CNTNAP5: variants seen among roughly 807,000 people sequenced by gnomAD.
CNTNAP5 encodes contactin associated protein family member 5.
Under a neutral mutation model 150.2 loss-of-function variants are expected in CNTNAP5, and 72 were observed. The ratio of observed to expected loss-of-function variants is 0.48; its 90% CI spans 0.40 to 0.58. The LOEUF (loss-of-function observed/expected upper bound fraction) is 0.58. Ranked by LOEUF, CNTNAP5 falls within the 20% of genes least tolerant of loss-of-function variation. The pLI is 0.00. For synonymous variants in CNTNAP5, 672 were observed against 619.8 expected (o/e 1.08, Z -1.25); for missense variants, 1,636 against 1,626.2 (o/e 1.01, Z -0.10).
At chr2:124,319,107 C>A (rs981055157) in intron 3 of CNTNAP5, among the ~76,000 whole-genome samples, 1 of 152,250 alleles carries the variant, frequency 6.6e-6, no homozygotes, top group Non-Finnish European at 1.5e-5. Context: ...TTCCTCTCTG[C>A]ACTTGGCATG....
intron 4 of CNTNAP5, among the ~76,000 whole-genome samples, chr2:124,432,856 T>C (rs912560124): frequency 2.0e-5 from 3 of 152,208 alleles, no homozygotes; most frequent in African/African-American, 7.2e-5. Context: ...GTGGCCTTGA[T>C]AGGAACTAAA....
intron 13 of CNTNAP5, among the ~76,000 whole-genome samples, chr2:124,677,308 C>A (rs1015232944): frequency 6.6e-6 from 1 of 152,054 alleles, no homozygotes; most frequent in Non-Finnish European, 1.5e-5. Flanking sequence ...GCCAGAGAAC[C>A]CTGTGGTGAG....
chr2:124,198,762 T>TA (rs1385967307), intron 1 of CNTNAP5, among the ~76,000 whole-genome samples: 1 of 152,208 alleles, frequency 6.6e-6, no homozygotes, highest in Non-Finnish European at 1.5e-5. Flanking sequence ...TTTTTAGGTT[T>TA]TTTTTTTCAG....
At chr2:124,830,904 A>G (rs951245433) in intron 19 of CNTNAP5, among the ~76,000 whole-genome samples, 2 of 152,092 alleles carry the variant, frequency 1.3e-5, no homozygotes, top group African/African-American at 4.8e-5. Context: ...AATCAGGTGC[A>G]GTGAAATAGG....
chr2:124,274,085 T>G (rs1334421562), intron 3 of CNTNAP5, among the ~76,000 whole-genome samples: 1 of 152,180 alleles, frequency 6.6e-6, no homozygotes, highest in Non-Finnish European at 1.5e-5. Flanking sequence ...ACCCCAGATA[T>G]TATTATTTCA....
At chr2:124,663,630 T>C (rs1310305775) in intron 13 of CNTNAP5, among the ~76,000 whole-genome samples, 1 of 152,066 alleles carries the variant, frequency 6.6e-6, no homozygotes, top group Non-Finnish European at 1.5e-5. Flanking sequence ...GGAGGGAAAA[T>C]CCTTTGGGGA....
intron 3 of CNTNAP5, among the ~76,000 whole-genome samples, chr2:124,282,101 G>A (rs780054): frequency 0.78 from 118,639 of 151,914 alleles, 46,436 homozygotes; most frequent in South Asian, 0.89. Flanking sequence ...AAAAAGTTTA[G>A]ACATAGGTAG....
At chr2:124,115,113 CT>C (rs1228918613) in intron 1 of CNTNAP5, among the ~76,000 whole-genome samples, 2 of 151,840 alleles carry the variant, frequency 1.3e-5, no homozygotes, top group Non-Finnish European at 2.9e-5. Flanking sequence ...TTCTACATAT[CT>C]TTTTTACATA....
At chr2:124,694,028 T>G (rs1679353968) in intron 13 of CNTNAP5, among the ~76,000 whole-genome samples, 1 of 152,028 alleles carries the variant, frequency 6.6e-6, no homozygotes, top group African/African-American at 2.4e-5. Context: ...TAAACAACTG[T>G]GTACACACTT....
At position 124,587,900 on chromosome 2, in the gene CNTNAP5, G is replaced by T. The variant is rs143056357; in HGVS notation, c.1757-21901G>T. On this transcript the variant is annotated intron_variant, in intron 11 of 23. Coordinates refer to ENST00000682447, the MANE Select transcript of CNTNAP5 (RefSeq NM_001367498.1). ...TTACTAGGAAAAACAAAAGAGGAGA[G>T]AAGAAATATATATAGAGACTTAGGG... Among the ~76,000 whole-genome samples the T allele has an allele frequency of 1.1e-4, 16 of 152,218 alleles. 2 individuals carry two copies. In the East Asian group the frequency reaches 2.9e-3, roughly 28 times the overall value.
At chr2:124,469,398 T>G (rs1182974625) in intron 6 of CNTNAP5, among the ~76,000 whole-genome samples, 2 of 152,120 alleles carry the variant, frequency 1.3e-5, no homozygotes, top group Non-Finnish European at 2.9e-5. Context: ...GAGCATTAAT[T>G]TTTTTGAAAT....
chr2:124,670,002 TC>T (rs1488714925), intron 13 of CNTNAP5, among the ~76,000 whole-genome samples: 1 of 152,076 alleles, frequency 6.6e-6, no homozygotes, highest in African/African-American at 2.4e-5. Context: ...CCAGTGTCCA[TC>T]CCCATCCCCA....
rs768871376 is a variant in CNTNAP5 at position 124,567,860 on chromosome 2, GAT to G, written c.1756+4539_1756+4540del. Reference sequence around the variant, plus strand: ...TGATAGATAGATAGATAGATAGATAGATAGATAGATAGATAGATAGATATAGA... The same window carrying G: ...TGATAGATAGATAGATAGATAGATAGAGATAGATAGATAGATAGATATAGA... On this transcript the variant is annotated intron_variant, in intron 11 of 23. Transcript: ENST00000682447. Among the ~76,000 whole-genome samples the G allele has an allele frequency of 4.9e-4, 54 of 109,238 alleles. No individual in the cohort carries two copies. In the East Asian group the frequency reaches 5.0e-3, roughly 10 times the overall value. The allele number at this position is 109,238 out of a possible 152,430, so 71.7% of individuals were successfully genotyped here.
At chr2:124,788,360 A>G (rs1417922522) in intron 17 of CNTNAP5, among the ~76,000 whole-genome samples, 1 of 152,254 alleles carries the variant, frequency 6.6e-6, no homozygotes, top group Non-Finnish European at 1.5e-5. Flanking sequence ...TTCAAGATAT[A>G]TCCTCAGCAG....
chr2:124,668,503 T>C (rs939606535), intron 13 of CNTNAP5, among the ~76,000 whole-genome samples: 2 of 152,156 alleles, frequency 1.3e-5, no homozygotes, highest in African/African-American at 4.8e-5. Flanking sequence ...AATTACTTTA[T>C]TTACCAAGCC....
chr2:124,794,438 C>T (rs957510163), intron 18 of CNTNAP5, among the ~76,000 whole-genome samples: 40 of 152,306 alleles, frequency 2.6e-4, no homozygotes, highest in African/African-American at 9.6e-4. Flanking sequence ...AATGCTGACT[C>T]TTCTTATTGA....
chr2:124,065,030 C>T lies in CNTNAP5; in HGVS notation c.82+39298C>T, dbSNP rs923323480. On this transcript the variant is annotated intron_variant, in intron 1 of 23. Coordinates refer to ENST00000682447, the MANE Select transcript of CNTNAP5 (RefSeq NM_001367498.1). Reference sequence around the variant, plus strand: ...AATTCTTTTTATTTTTGTAGGTCCTCGTTTGTGTTGTTCACTGTTGTAATC... The same window carrying T: ...AATTCTTTTTATTTTTGTAGGTCCTTGTTTGTGTTGTTCACTGTTGTAATC... 5.9e-5 allele frequency among the ~76,000 whole-genome samples: 9 copies of T among 152,184 alleles called. No homozygotes were observed. The East Asian group carries it at 1.5e-3, about 26-fold the overall frequency.
At chr2:124,596,063 A>C (rs1333993815) in intron 11 of CNTNAP5, among the ~76,000 whole-genome samples, 30 of 128,836 alleles carry the variant, frequency 2.3e-4, no homozygotes, top group African/African-American at 9.1e-4. Context: ...CAGTCTATCA[A>C]TTTTGTTGAT....
rs1390007921 is a variant in CNTNAP5 at position 124,338,715 on chromosome 2, G to A, written c.382-78728G>A. On this transcript the variant is annotated intron_variant, in intron 3 of 23. Transcript: ENST00000682447. ...CAGAGAGAGCCCTTCTCTGCCATTG[G>A]AGGTTGCGGAAAAAACAAGAAAAAG... is the stretch of plus-strand genomic sequence containing the variant. Among the ~76,000 whole-genome samples the A allele has an allele frequency of 3.3e-5, 5 of 152,206 alleles. No homozygotes were observed. In the South Asian group the frequency reaches 8.3e-4, roughly 25 times the overall value.
Sources: gnomAD v4.1 joint callset for allele counts (sites outside exome capture counted in the v4.1 genomes callset) on GRCh38, gnomAD v4.1.1 for gene constraint, MANE v1.5 for transcripts, NCBI Gene and HGNC (gene_info 2026-07-23, HGNC 2026-07-21) for gene names.